Variants in ABCA2 observed in about 807,000 individuals in gnomAD.
ABCA2 encodes ATP-binding cassette sub-family A member 2.
ABCA2 carries 84 observed loss-of-function variants against 262.8 expected under a neutral mutation model. The ratio of observed to expected loss-of-function variants is 0.32; its 90% CI spans 0.27 to 0.38. The LOEUF (loss-of-function observed/expected upper bound fraction) is 0.38. ABCA2 is among the 10% of genes least tolerant of loss of function. The probability of loss-of-function intolerance (pLI) is 1.00; values close to 1 mark genes in which losing one functional copy is unlikely to be tolerated. For missense variants in ABCA2, 2,662 were observed against 3,405.9 expected, an observed-to-expected ratio of 0.78 and a Z score of 5.44; for synonymous variants, 1,696 against 1,502.9, an observed-to-expected ratio of 1.13 and a Z score of -2.97.
In ABCA2 at chr9:137,019,406, A is replaced by G. The variant is rs542602741; in HGVS notation, c.1426-100T>C. On this transcript the variant is annotated intron_variant, in intron 10 of 48. Coordinates refer to ENST00000341511, the MANE Select transcript of ABCA2 (RefSeq NM_001606.5). The surrounding 1 kb of genome is among the most constrained non-coding windows in gnomAD (Gnocchi z 4.4). ...CTCCCCAGTGGCTGGTCCATTGCCA[A>G]CAACTAACCCTCCCCACCTTTTTTT... is the stretch of plus-strand genomic sequence containing the variant. 2.4e-4 allele frequency: 341 copies of G among 1,423,254 alleles called. No homozygotes were observed. The African/African-American group carries it at 4.6e-3, about 19-fold the overall frequency. 88.2% of individuals were successfully genotyped at this position (1,423,254 alleles called of 1,614,324 possible). A position where few individuals can be genotyped will look rare whatever the true frequency, so the allele number is the denominator to read the frequency against.
rs761731074 is a variant in ABCA2, at chr9:137,020,800, C to T, written c.1159G>A (p.Ala387Thr). The change falls in exon 9 of 49, where the codon GCA (alanine) becomes ACA (threonine). Residue 387 changes from alanine to threonine, a missense_variant. Around this residue, in one of 12 missense-constraint regions of ABCA2, gnomAD observed 403 missense variants for 375.9 expected, o/e 1.07. Coordinates refer to ENST00000341511, the MANE Select transcript of ABCA2 (RefSeq NM_001606.5). ...GTGGCCAGTGCTGCAGCAGAGGGTG[C>T]GCCCTCCTCAGCGGTGGCGTTGGGG... ...MGPNATAEEG[A>T]PSAAALATPD... 4.4e-6 allele frequency: 7 copies of T among 1,580,944 alleles called. No homozygotes were observed. Among genetic ancestry groups the T allele is most frequent in the Middle Eastern group, 1.7e-4 (1 of 5,994 alleles).
At position 137,016,156 on chromosome 9, in the gene ABCA2, C is replaced by G; in HGVS notation, c.3123G>C (p.Leu1041=). Residue 1041 remains leucine (L), a synonymous_variant, in exon 22 of 49, where the codon CTG becomes CTC. Coordinates refer to ENST00000341511, the MANE Select transcript of ABCA2 (RefSeq NM_001606.5). ...TGGCGGAACCCGACGTTGGAGGGAA[C>G]AGGCCGGTCAGGATGGACCTGGGTA... ...KTTTMSILTG[L]FPPTSGSATI... 1 of 1,612,814 alleles carries G rather than the reference C, an allele frequency of 6.2e-7. No individual in the cohort carries two copies. Among genetic ancestry groups the G allele is most frequent in the African/African-American group, 1.3e-5 (1 of 75,048 alleles).
intron 26 of ABCA2, 38 bp downstream of exon 26, chr9:137,014,652 G>C (rs1831190853): frequency 6.3e-7 from 1 of 1,589,846 alleles, no homozygotes; most frequent in Non-Finnish European, 8.6e-7. Context: ...GGGGCCTTGT[G>C]GGTGGGGTGG....
intron 2 of ABCA2, 71 bp downstream of exon 2, chr9:137,024,072 T>C: frequency 6.5e-7 from 1 of 1,532,976 alleles, no homozygotes; most frequent in South Asian, 1.2e-5. Context: ...TGTGCAGATG[T>C]GCACACACAG....
In ABCA2 at chr9:137,010,651, T is replaced by C; in HGVS notation, c.6143A>G (p.Asn2048Ser). ...RQRVLRGDAD[N>S]DMVKIENLTK... ...CAGGTTCTCAATCTTGACCATGTCATTGTCGGCGTCTCCCCGGAGCACTCG... is the reference window on the plus strand; with the variant it reads ...CAGGTTCTCAATCTTGACCATGTCACTGTCGGCGTCTCCCCGGAGCACTCG... The change falls in exon 40 of 49, where the codon AAT (asparagine) becomes AGT (serine). Residue 2048 changes from asparagine (N) to serine (S), a missense_variant. This residue lies in a region of ABCA2 where 602 missense variants were observed against 897.4 expected (regional missense o/e 0.67). Coordinates refer to ENST00000341511, the MANE Select transcript of ABCA2 (RefSeq NM_001606.5). 2 of 1,508,382 alleles carry C rather than the reference T, an allele frequency of 1.3e-6. No homozygotes were observed. The highest frequency in any genetic ancestry group is 9.0e-7 in the Non-Finnish European group (1 of 1,113,188). The allele number at this position is 1,508,382 out of a possible 1,614,324, so 93.4% of individuals were successfully genotyped here. A position where few individuals can be genotyped will look rare whatever the true frequency, so the allele number is the denominator to read the frequency against.
intron 10 of ABCA2, 68 bp downstream of exon 10, chr9:137,020,268 G>A: frequency 6.3e-7 from 1 of 1,596,294 alleles, no homozygotes; most frequent in Non-Finnish European, 8.5e-7. Flanking sequence ...TCTGCCCAGG[G>A]GTCCCAGGCC....
In ABCA2 at chr9:137,007,918, G is replaced by C; in HGVS notation, c.*11C>G. ...AGTGGAGCGTGTCCTCCCTGGCCCA[G>C]CTCTGGGTGGTCAGCAGAGCGTGTC... is the stretch of plus-strand genomic sequence containing the variant. On this transcript the variant is annotated 3_prime_UTR_variant, in exon 49 of 49. Coordinates refer to ENST00000341511, the MANE Select transcript of ABCA2 (RefSeq NM_001606.5). The C allele has an allele frequency of 6.2e-7, 1 of 1,605,584 alleles. No individual in the cohort carries two copies. The highest frequency in any genetic ancestry group is 1.1e-5 in the South Asian group (1 of 90,994).
chr9:137,021,592 C>T lies in ABCA2; in HGVS notation c.697G>A (p.Ala233Thr), dbSNP rs1005281287. The change falls in exon 8 of 49, where the codon GCC becomes ACC. Residue 233 changes from alanine to threonine, a missense_variant. Transcript: ENST00000341511. The surrounding 1 kb of genome is among the most constrained non-coding windows in gnomAD (Gnocchi z 6.0). ...FRMEELLLAP[A>T]LLEQLTCTPG... The stretch of plus-strand genomic sequence containing the variant: ...GTGCAGGTGAGCTGCTCCAGGAGGG[C>T]AGGAGCCAGCAGCAGCTCCTGGGAT... The T allele has an allele frequency of 2.6e-6, 4 of 1,557,576 alleles. No homozygotes were observed. Among genetic ancestry groups the T allele is most frequent in the Admixed American group, 1.9e-5 (1 of 51,778 alleles).
rs1338605565 is a variant in ABCA2, at chr9:137,019,700, G to C, written c.1426-394C>G. The C allele has an allele frequency of 4.7e-6, 1 of 211,836 alleles. No homozygotes were observed. Among genetic ancestry groups the C allele is most frequent in the African/African-American group, 2.4e-5 (1 of 42,226 alleles). The allele number at this position is 211,836 out of a possible 1,614,324, so 13.1% of individuals were successfully genotyped here. ...GCTTCCCAAAGTGCTGGGATTTCAAGCGTGAGTCCCACGCCCGGGCTCTCC... is the reference window on the plus strand; with the variant it reads ...GCTTCCCAAAGTGCTGGGATTTCAACCGTGAGTCCCACGCCCGGGCTCTCC... On this transcript the variant is annotated intron_variant, in intron 10 of 48. Transcript: ENST00000341511. The surrounding 1 kb of genome is among the most constrained non-coding windows in gnomAD (Gnocchi z 4.4).
chr9:137,010,923 AC>A, intron 39 of ABCA2, 49 bp downstream of exon 39: 1 of 244,890 alleles, frequency 4.1e-6, no homozygotes, highest in Non-Finnish European at 7.0e-6. Context: ...CCACCCCCGA[AC>A]CCATCCCTGC....
At chr9:137,024,989 G>A (rs1363258042) in intron 1 of ABCA2, among the ~76,000 whole-genome samples, 1 of 152,100 alleles carries the variant, frequency 6.6e-6, no homozygotes, top group Non-Finnish European at 1.5e-5. Flanking sequence ...TAGTAGAGAC[G>A]GGGTTTCACC....
Position 137,016,686 on chromosome 9 carries a change from C to A in ABCA2, c.2811G>T (p.Trp937Cys). Residue 937 changes from tryptophan (W) to cysteine (C), a missense_variant, in exon 20 of 49, where the codon TGG becomes TGT. Physicochemically the swap from Trp to Cys is radical, Grantham distance 215. Transcript: ENST00000341511. ...AGGCTTCTGTCCGCCCACTGCCCAGCCAGTAGGACTTCTGCAGTGGGAAGT... is the reference window on the plus strand; with the variant it reads ...AGGCTTCTGTCCGCCCACTGCCCAGACAGTAGGACTTCTGCAGTGGGAAGT... ...PWYFPLQKSY[W>C]LGSGRTEAWE... 6.3e-7 allele frequency: 1 copy of A among 1,592,586 alleles called. No homozygotes were observed. The highest frequency in any genetic ancestry group is 8.5e-7 in the Non-Finnish European group (1 of 1,169,860).
Position 137,020,888 on chromosome 9 carries a change from G to T in ABCA2, c.1071C>A (p.Pro357=). The T allele has an allele frequency of 6.5e-7, 1 of 1,549,416 alleles. No individual in the cohort carries two copies. Among genetic ancestry groups the T allele is most frequent in the East Asian group, 2.4e-5 (1 of 41,702 alleles). ...LPQGACTGRT[P]GPPASGAGGA... is the part of the protein sequence containing the mutation. Reference sequence around the variant, plus strand: ...CACCCGCACCACTGGCTGGGGGTCCGGGGGTCCGGCCAGTGCAGGCACCCT... The same window carrying T: ...CACCCGCACCACTGGCTGGGGGTCCTGGGGTCCGGCCAGTGCAGGCACCCT... The change falls in exon 9 of 49, where the codon CCC becomes CCA. Residue 357 remains proline, a synonymous_variant. Coordinates refer to ENST00000341511, the MANE Select transcript of ABCA2 (RefSeq NM_001606.5).
chr9:137,018,493 TG>T, intron 13 of ABCA2, 142 bp from the exon 14 acceptor site: 1 of 200,708 alleles, frequency 5.0e-6, no homozygotes, highest in Admixed American at 1.0e-4. Flanking sequence ...AGGGCTGGGG[TG>T]GGGGCCCCAG....
At position 137,010,645 on chromosome 9, in the gene ABCA2, A is replaced by G; in HGVS notation, c.6149T>C (p.Met2050Thr). The change falls in exon 40 of 49, where the codon ATG becomes ACG. Residue 2050 changes from methionine to threonine, a missense_variant. Physicochemically the swap from Met to Thr is moderately conservative, Grantham distance 81 (BLOSUM62 -1). This residue lies in a region of ABCA2 where 602 missense variants were observed against 897.4 expected (regional missense o/e 0.67). Coordinates refer to ENST00000341511, the MANE Select transcript of ABCA2 (RefSeq NM_001606.5). The stretch of plus-strand genomic sequence containing the variant: ...CTTGGTCAGGTTCTCAATCTTGACC[A>G]TGTCATTGTCGGCGTCTCCCCGGAG... The part of the protein sequence containing the change: ...RVLRGDADND[M>T]VKIENLTKVY... The G allele has an allele frequency of 6.6e-7, 1 of 1,521,484 alleles. No homozygotes were observed. The highest frequency in any genetic ancestry group is 8.9e-7 in the Non-Finnish European group (1 of 1,129,442). The allele number at this position is 1,521,484 out of a possible 1,614,324, so 94.2% of individuals were successfully genotyped here.
intron 3 of ABCA2, chr9:137,023,387 A>G (rs2131469375): frequency 1.4e-6 from 1 of 707,418 alleles, no homozygotes; most frequent in East Asian, 2.8e-5. Flanking sequence ...GGCACTGCCT[A>G]CAGAGCCCAG....
intron 48 of ABCA2, 100 bp downstream of exon 48, chr9:137,008,316 T>C: frequency 7.3e-7 from 1 of 1,374,118 alleles, no homozygotes. Flanking sequence ...GCAAGCATCC[T>C]GGGGCCAGTT....
At position 137,020,399 on chromosome 9, in the gene ABCA2, C is replaced by A; in HGVS notation, c.1362G>T (p.Met454Ile). Residue 454 changes from methionine to isoleucine, a missense_variant, in exon 10 of 49, where the codon ATG (methionine) becomes ATT (isoleucine). By Grantham distance (10) the Met-to-Ile change is conservative. Around this residue, in one of 12 missense-constraint regions of ABCA2, gnomAD observed 92 missense variants for 146.7 expected, o/e 0.63. Coordinates refer to ENST00000341511, the MANE Select transcript of ABCA2 (RefSeq NM_001606.5). ...QRNLGLLVHL[M>I]TSNPKILYAP... ...CGTACAGGATTTTGGGGTTGCTGGT[C>A]ATGAGGTGCACGAGGAGGCCCAGGT... is the stretch of plus-strand genomic sequence containing the variant. The A allele has an allele frequency of 6.2e-7, 1 of 1,613,088 alleles. No individual in the cohort carries two copies. Among genetic ancestry groups the A allele is most frequent in the Non-Finnish European group, 8.5e-7 (1 of 1,179,982 alleles).
rs374440488 is a variant in ABCA2 at position 137,019,093 on chromosome 9, G to A, written c.1555-23C>T. On this transcript the variant is annotated intron_variant, in intron 11 of 48. Transcript: ENST00000341511. The surrounding 1 kb of genome is among the most constrained non-coding windows in gnomAD (Gnocchi z 4.4). ...ATACTTGGGGTGGAGGGGCGGCTCAGAGGGGGACCTGCGCCTGCCGAGCCG... is the reference window on the plus strand; with the variant it reads ...ATACTTGGGGTGGAGGGGCGGCTCAAAGGGGGACCTGCGCCTGCCGAGCCG... The A allele has an allele frequency of 1.2e-6, 2 of 1,603,926 alleles. No homozygotes were observed. The highest frequency in any genetic ancestry group is 2.2e-5 in the South Asian group (2 of 90,744).
Sources: allele counts gnomAD v4.1 joint callset (sites outside exome capture counted in the v4.1 genomes callset), GRCh38; gene constraint gnomAD v4.1.1; regional missense constraint gnomAD v4.1.1; non-coding constraint Gnocchi (gnomAD v3.1); transcripts MANE v1.5; gene names NCBI Gene and HGNC (gene_info 2026-07-23, HGNC 2026-07-21).